MARK1: variants seen among roughly 807,000 people sequenced by gnomAD.
MARK1 encodes serine/threonine-protein kinase MARK1.
A neutral mutation model predicts 96.3 loss-of-function variants in MARK1; 40 were observed. That is an observed-to-expected ratio of 0.42 (90% confidence interval 0.32 to 0.54). MARK1 has a LOEUF of 0.54. MARK1 is among the 20% of genes least tolerant of loss of function. MARK1 has a pLI of 0.16. For synonymous variants in MARK1, 317 were observed against 341.2 expected, an observed-to-expected ratio of 0.93 and a Z score of 0.78; for missense variants, 719 against 984.6, an observed-to-expected ratio of 0.73 and a Z score of 3.61.
At chr1:220,583,654 T>C (rs1004984359) in intron 3 of MARK1, among the ~76,000 whole-genome samples, 15 of 140,618 alleles carry the variant, frequency 1.1e-4, no homozygotes, top group African/African-American at 3.2e-4. Flanking sequence ...TCCTGGGTTC[T>C]TTTTTTTTTT....
chr1:220,572,961 T>G (rs1663576675), intron 1 of MARK1, among the ~76,000 whole-genome samples: 1 of 152,244 alleles, frequency 6.6e-6, no homozygotes, highest in Admixed American at 6.5e-5. Flanking sequence ...ACTTTAAAAA[T>G]GTTGTCATCT....
intron 13 of MARK1, among the ~76,000 whole-genome samples, chr1:220,645,693 A>G (rs537485465): frequency 6.6e-6 from 1 of 152,290 alleles, no homozygotes; most frequent in African/African-American, 2.4e-5. Flanking sequence ...GCACATCAAA[A>G]AGCTTATCCA....
At chr1:220,632,358 C>T (rs750124414) in intron 11 of MARK1, 45 bp downstream of exon 11, 12 of 830,654 alleles carry the variant, frequency 1.4e-5, no homozygotes, top group Middle Eastern at 2.8e-4. Context: ...ATTTCTTGAG[C>T]TAATATATTA....
chr1:220,568,690 T>C (rs1663230110), intron 1 of MARK1, among the ~76,000 whole-genome samples: 1 of 152,166 alleles, frequency 6.6e-6, no homozygotes, highest in Non-Finnish European at 1.5e-5. Flanking sequence ...TTCTCTTCTG[T>C]GTCTTGTGTA....
At chr1:220,637,982 T>C (rs1047386268) in intron 13 of MARK1, among the ~76,000 whole-genome samples, 3 of 151,856 alleles carry the variant, frequency 2.0e-5, no homozygotes, top group African/African-American at 7.2e-5. Flanking sequence ...TTTGAATATG[T>C]ATGTATGATA....
chr1:220,563,840 A>T (rs1448836707), intron 1 of MARK1, among the ~76,000 whole-genome samples: 1 of 152,216 alleles, frequency 6.6e-6, no homozygotes, highest in African/African-American at 2.4e-5. Context: ...GTCTGTAGGA[A>T]TGAATGAATA....
chr1:220,560,641 T>A (rs989076797), intron 1 of MARK1, among the ~76,000 whole-genome samples: 1 of 152,178 alleles, frequency 6.6e-6, no homozygotes, highest in Non-Finnish European at 1.5e-5. Flanking sequence ...ATACAGCATG[T>A]GTATGCTGCA....
chr1:220,615,245 A>G (rs2102959958), intron 6 of MARK1, among the ~76,000 whole-genome samples: 1 of 152,242 alleles, frequency 6.6e-6, no homozygotes, highest in African/African-American at 2.4e-5. Context: ...CCTTTTCTCC[A>G]AAGAGCCCTG....
Position 220,579,819 on chromosome 1 carries a change from C to A in MARK1, c.255+262C>A, listed in dbSNP as rs756540113. On this transcript the variant is annotated intron_variant, in intron 2 of 17. Transcript: ENST00000366917. Reference sequence around the variant, plus strand: ...TGAGCTTTCCTCAGATTCTGACTTTCGTTATATGATTTCTGTGAACATTTC... The same window carrying A: ...TGAGCTTTCCTCAGATTCTGACTTTAGTTATATGATTTCTGTGAACATTTC... 2.0e-5 allele frequency among the ~76,000 whole-genome samples: 3 copies of A among 152,136 alleles called. No individual in the cohort carries two copies. The South Asian group carries it at 6.2e-4, about 32-fold the overall frequency.
chr1:220,572,240 T>C (rs756224560), intron 1 of MARK1, among the ~76,000 whole-genome samples: 4 of 152,132 alleles, frequency 2.6e-5, no homozygotes, highest in Non-Finnish European at 5.9e-5. Flanking sequence ...GTTTTTTCTT[T>C]TCCTTTTTTT....
At position 220,554,110 on chromosome 1, in the gene MARK1, A is replaced by C. The variant is rs77122058; in HGVS notation, c.51+25237A>C. On this transcript the variant is annotated intron_variant, in intron 1 of 17. Transcript: ENST00000366917. Reference sequence around the variant, plus strand: ...AGAGAACTATCTCAGCATGTCCCAGACCACTAGACTCCTGGGAATTTCACT... The same window carrying C: ...AGAGAACTATCTCAGCATGTCCCAGCCCACTAGACTCCTGGGAATTTCACT... Among the ~76,000 whole-genome samples the C allele has an allele frequency of 3.8e-3, 581 of 152,294 alleles. 2 individuals carry two copies. The highest frequency in any genetic ancestry group is 0.013 in the African/African-American group (554 of 41,544).
At position 220,552,748 on chromosome 1, in the gene MARK1, A is replaced by G. The variant is rs567215319; in HGVS notation, c.51+23875A>G. Among the ~76,000 whole-genome samples, 8 of 152,310 alleles carry G rather than the reference A, an allele frequency of 5.3e-5. No homozygotes were observed. The East Asian group carries it at 1.2e-3, about 22-fold the overall frequency. ...CATGTCTGTAGCAAGTATCTGTTCC[A>G]ATGAGAATAGACAAAACACCTTCCC... On this transcript the variant is annotated intron_variant, in intron 1 of 17. Coordinates refer to ENST00000366917, the MANE Select transcript of MARK1 (RefSeq NM_018650.5).
intron 1 of MARK1, chr1:220,576,855 C>CT (rs1237422574): frequency 6.6e-6 from 1 of 152,004 alleles, no homozygotes; most frequent in East Asian, 1.9e-4. Context: ...TGTGAGAGTT[C>CT]TAATAGTTGA....
intron 13 of MARK1, 23 bp from the exon 14 acceptor site, chr1:220,650,597 T>C: frequency 6.9e-7 from 1 of 1,446,652 alleles, no homozygotes; most frequent in South Asian, 1.2e-5. Flanking sequence ...AATTTTTTAA[T>C]TGCCTTTTTT....
chr1:220,610,767 GC>G (rs1337198975), intron 6 of MARK1, among the ~76,000 whole-genome samples: 1 of 152,142 alleles, frequency 6.6e-6, no homozygotes, highest in Non-Finnish European at 1.5e-5. Context: ...TGATGTTGAT[GC>G]TATTCCTTTC....
intron 5 of MARK1, 62 bp downstream of exon 5, chr1:220,599,925 A>G (rs1665629257): frequency 9.7e-7 from 1 of 1,028,888 alleles, no homozygotes; most frequent in South Asian, 1.7e-5. Context: ...TTAACACCTA[A>G]GAGTTCATTA....
At chr1:220,635,555 A>G in intron 12 of MARK1, 26 bp downstream of exon 12, 1 of 1,599,158 alleles carries the variant, frequency 6.3e-7, no homozygotes. Flanking sequence ...ACATAAGTGA[A>G]GCAACACACG....
chr1:220,570,922 G>T (rs1663406894), intron 1 of MARK1, among the ~76,000 whole-genome samples: 2 of 152,072 alleles, frequency 1.3e-5, no homozygotes, highest in South Asian at 4.1e-4. Context: ...CTTTCAGAAG[G>T]TTTTAGTGGC....
chr1:220,551,609 T>G (rs1024591879), intron 1 of MARK1, among the ~76,000 whole-genome samples: 7 of 152,208 alleles, frequency 4.6e-5, no homozygotes, highest in Non-Finnish European at 8.8e-5. Context: ...CAGTCTCTCC[T>G]TATTCCCTGC....
Sources: gnomAD v4.1 joint callset for allele counts (sites outside exome capture counted in the v4.1 genomes callset) on GRCh38, gnomAD v4.1.1 for gene constraint, MANE v1.5 for transcripts, NCBI Gene and HGNC (gene_info 2026-07-23, HGNC 2026-07-21) for gene names.